RBKS: variants seen among roughly 807,000 people sequenced by gnomAD.
The protein encoded by RBKS is ribokinase.
In RBKS, 33 loss-of-function variants were observed where a neutral mutation model predicts 33.9. The observed-to-expected ratio is 0.97, with a 90% CI of 0.74 to 1.30. The LOEUF is 1.30. Ranked by LOEUF, RBKS falls within the 50% of genes most tolerant of loss-of-function variation. The pLI, the probability that RBKS is intolerant of heterozygous loss-of-function variation, is 0.00. For synonymous variants in RBKS, 125 were observed against 143.0 expected (o/e 0.87, Z 0.90); for missense variants, 361 against 392.6 (o/e 0.92, Z 0.68).
intron 1 of RBKS, among the ~76,000 whole-genome samples, chr2:27,860,836 G>A (rs1176260152): frequency 6.6e-6 from 1 of 152,114 alleles, no homozygotes; most frequent in Non-Finnish European, 1.5e-5. Context: ...TTCCCTGCAT[G>A]AGGACAGGGA....
chr2:27,835,435 C>T (rs1449868593), intron 5 of RBKS, among the ~76,000 whole-genome samples: 1 of 143,036 alleles, frequency 7.0e-6, no homozygotes, highest in Non-Finnish European at 1.5e-5. Context: ...ACCCCACCCC[C>T]CCTTTTCTGA....
intron 7 of RBKS, among the ~76,000 whole-genome samples, chr2:27,796,114 C>T (rs1441180318): frequency 2.0e-5 from 3 of 152,326 alleles, no homozygotes; most frequent in Admixed American, 6.5e-5. Context: ...CCCAGAGTTA[C>T]TTGACATTCT....
At chr2:27,847,149 A>C in intron 3 of RBKS, 45 bp from the exon 4 acceptor site, 1 of 1,125,710 alleles carries the variant, frequency 8.9e-7, no homozygotes, top group Non-Finnish European at 1.3e-6. Flanking sequence ...ACAGGCTGGC[A>C]TGGATAATTT....
chr2:27,849,538 C>T (rs764258762), intron 2 of RBKS, among the ~76,000 whole-genome samples: 68 of 108,502 alleles, frequency 6.3e-4, no homozygotes, highest in Non-Finnish European at 9.6e-4. Flanking sequence ...CCAGCCTGGG[C>T]GACAGAGCAA....
chr2:27,881,229 A>G (rs551034078), intron 1 of RBKS, among the ~76,000 whole-genome samples: 17 of 148,320 alleles, frequency 1.1e-4, no homozygotes, highest in Admixed American at 5.4e-4. Context: ...GCCTGGGGGA[A>G]AGAGCAAGAT....
intron 2 of RBKS, among the ~76,000 whole-genome samples, chr2:27,854,672 A>G (rs564143276): frequency 7.2e-5 from 11 of 152,300 alleles, no homozygotes; most frequent in African/African-American, 2.6e-4. Context: ...TATAGTTGCT[A>G]ACAGCCCATA....
intron 1 of RBKS, among the ~76,000 whole-genome samples, chr2:27,885,102 T>C (rs1175839229): frequency 6.6e-6 from 1 of 152,022 alleles, no homozygotes; most frequent in Admixed American, 6.6e-5. Flanking sequence ...CCAATTCCAC[T>C]CTGTGCTCCT....
chr2:27,873,198 T>C (rs1243556672), intron 1 of RBKS, among the ~76,000 whole-genome samples: 2 of 152,202 alleles, frequency 1.3e-5, no homozygotes, highest in African/African-American at 4.8e-5. Flanking sequence ...CCTCTGCTCA[T>C]TACAACCCAA....
chr2:27,784,943 T>G (rs1677370562), intron 7 of RBKS, among the ~76,000 whole-genome samples: 2 of 152,154 alleles, frequency 1.3e-5, no homozygotes, highest in African/African-American at 4.8e-5. Context: ...GGGAAAGGCC[T>G]GAAACCTGAG....
intron 7 of RBKS, among the ~76,000 whole-genome samples, chr2:27,806,498 T>C (rs899980126): frequency 6.6e-6 from 1 of 152,202 alleles, no homozygotes; most frequent in Non-Finnish European, 1.5e-5. Context: ...TTGAATTTCA[T>C]TGCAATGCCG....
intron 7 of RBKS, among the ~76,000 whole-genome samples, chr2:27,804,267 T>C (rs992847939): frequency 6.6e-6 from 1 of 152,198 alleles, no homozygotes; most frequent in African/African-American, 2.4e-5. Flanking sequence ...TACAATCCAA[T>C]GTTCTTCAGT....
At position 27,844,727 on chromosome 2, in the gene RBKS, A is replaced by G. The variant is rs544480558; in HGVS notation, c.350-1496T>C. ...AAATTTTTGATTACACACTGTAATG[A>G]TAATATTTTGGACATATTGGGTTAA... On this transcript the variant is annotated intron_variant, in intron 4 of 7. Coordinates refer to ENST00000302188, the MANE Select transcript of RBKS (RefSeq NM_022128.3). 2.0e-5 allele frequency among the ~76,000 whole-genome samples: 3 copies of G among 152,322 alleles called. No homozygotes were observed. In the South Asian group the frequency reaches 6.2e-4, roughly 32 times the overall value.
chr2:27,782,813 AT>A, intron 7 of RBKS: 1 of 276,628 alleles, frequency 3.6e-6, no homozygotes, highest in Non-Finnish European at 7.8e-6. Flanking sequence ...CATTACATGT[AT>A]TCCACTCTTA....
At chr2:27,860,661 G>A (rs781137880) in intron 1 of RBKS, among the ~76,000 whole-genome samples, 2 of 152,194 alleles carry the variant, frequency 1.3e-5, no homozygotes, top group Non-Finnish European at 2.9e-5. Context: ...GGGAGCAGAT[G>A]GCTGGGATTT....
chr2:27,873,709 G>C (rs1030676160), intron 1 of RBKS, among the ~76,000 whole-genome samples: 3 of 151,740 alleles, frequency 2.0e-5, no homozygotes, highest in Admixed American at 6.6e-5. Flanking sequence ...ATTTTTAAAG[G>C]GTACTTAAAA....
chr2:27,833,381 G>A (rs1678460647), intron 5 of RBKS, among the ~76,000 whole-genome samples: 1 of 152,092 alleles, frequency 6.6e-6, no homozygotes, highest in Admixed American at 6.6e-5. Context: ...GCTTCTGTGA[G>A]CAATCTGGGA....
At chr2:27,887,519 AG>A (rs1445863284) in intron 1 of RBKS, among the ~76,000 whole-genome samples, 3 of 152,210 alleles carry the variant, frequency 2.0e-5, no homozygotes, top group Non-Finnish European at 4.4e-5. Flanking sequence ...TCACAGATGC[AG>A]GGTTTTAAAT....
At chr2:27,861,671 G>GGGGT in intron 1 of RBKS, 1 of 425,488 alleles carries the variant, frequency 2.4e-6, no homozygotes, top group Non-Finnish European at 4.9e-6. Flanking sequence ...TTTGGGGGGG[G>GGGGT]GGTGGAGTCT....
chr2:27,836,059 C>T (rs1481381612), intron 5 of RBKS, among the ~76,000 whole-genome samples: 1 of 151,800 alleles, frequency 6.6e-6, no homozygotes, highest in Admixed American at 6.6e-5. Context: ...ACTAAAAATA[C>T]AAAAATTTGC....
Sources: gnomAD v4.1 joint callset for allele counts (sites outside exome capture counted in the v4.1 genomes callset) on GRCh38, gnomAD v4.1.1 for gene constraint, MANE v1.5 for transcripts, NCBI Gene and HGNC (gene_info 2026-07-23, HGNC 2026-07-21) for gene names.